Variants in CSPP1 observed in about 807,000 individuals in gnomAD.
CSPP1 encodes the protein centrosome and spindle pole associated protein 1.
In CSPP1, 126 loss-of-function variants were observed where a neutral mutation model predicts 164.4. That is an observed-to-expected ratio of 0.77 (90% confidence interval 0.66 to 0.89). CSPP1 has a LOEUF of 0.89. Among genes scored for constraint, CSPP1 ranks in the 40% least tolerant of loss-of-function variants. The probability of loss-of-function intolerance (pLI) is 0.00; values close to 1 mark genes in which losing one functional copy is unlikely to be tolerated. For missense variants in CSPP1, 1,395 were observed against 1,449.8 expected (o/e 0.96, Z 0.61); for synonymous variants, 472 against 476.7 (o/e 0.99, Z 0.13).
intron 29 of CSPP1, among the ~76,000 whole-genome samples, chr8:67,191,020 C>G (rs980313735): frequency 6.6e-6 from 1 of 152,294 alleles, no homozygotes; most frequent in African/African-American, 2.4e-5. Context: ...CCTTCTTCTC[C>G]TGCAGAATAT....
chr8:67,137,429 A>G (rs748250055), intron 16 of CSPP1, 27 bp from the exon 17 acceptor site: 2 of 1,385,226 alleles, frequency 1.4e-6, no homozygotes, highest in Non-Finnish European at 1.9e-6. Context: ...GTCAGCGTTT[A>G]TTTTAAATAT....
At chr8:67,138,298 G>A (rs1194343219) in intron 17 of CSPP1, among the ~76,000 whole-genome samples, 1 of 152,050 alleles carries the variant, frequency 6.6e-6, no homozygotes, top group Non-Finnish European at 1.5e-5. Flanking sequence ...ATATAAAATT[G>A]GTAAAGTGTT....
chr8:67,167,783 G>T (rs370999821), intron 24 of CSPP1, among the ~76,000 whole-genome samples: 1 of 143,322 alleles, frequency 7.0e-6, no homozygotes, highest in Non-Finnish European at 1.5e-5. Flanking sequence ...CGGGATGGCG[G>T]CTGGGAAGAG....
chr8:67,106,995 GTTTTGT>G (rs763972765), intron 9 of CSPP1, among the ~76,000 whole-genome samples: 3 of 150,162 alleles, frequency 2.0e-5, no homozygotes, highest in Non-Finnish European at 4.4e-5. Flanking sequence ...TATTCTTTTT[GTTTTGT>G]TTTTATTTAT....
At chr8:67,068,820 A>G (rs1346051397) in intron 1 of CSPP1, among the ~76,000 whole-genome samples, 1 of 152,252 alleles carries the variant, frequency 6.6e-6, no homozygotes, top group Admixed American at 6.5e-5. Context: ...GGATCAAGAC[A>G]AAAACATTCC....
chr8:67,144,826 T>A (rs376493572), intron 17 of CSPP1, among the ~76,000 whole-genome samples: 4 of 151,794 alleles, frequency 2.6e-5, no homozygotes, highest in African/African-American at 9.7e-5. Context: ...CCCAGCACAT[T>A]GGGAGGCTGA....
chr8:67,175,175 CTA>C, intron 25 of CSPP1, 119 bp from the exon 26 acceptor site: 6 of 729,326 alleles, frequency 8.2e-6, no homozygotes, highest in Non-Finnish European at 1.4e-5. Flanking sequence ...TGATGTTTCA[CTA>C]TTTCTATCAT....
chr8:67,076,481 G>T lies in CSPP1; in HGVS notation c.100-1G>T. The stretch of plus-strand genomic sequence containing the variant: ...TTTTGTAAACATTATGTCTCTTTCA[G>T]GGAAAGTTGTCAGCGAAGCTTTCTG... On this transcript the variant is annotated splice_acceptor_variant, in intron 2 of 30. Coordinates refer to ENST00000678616, the MANE Select transcript of CSPP1 (RefSeq NM_001382391.1). LOFTEE classifies it high-confidence loss of function. The T allele has an allele frequency of 6.4e-7, 1 of 1,559,424 alleles. No homozygotes were observed. Among genetic ancestry groups the T allele is most frequent in the South Asian group, 1.2e-5 (1 of 84,002 alleles).
At chr8:67,163,901 C>T (rs935865668) in intron 23 of CSPP1, 103 bp downstream of exon 23, 7 of 856,576 alleles carry the variant, frequency 8.2e-6, no homozygotes, top group Middle Eastern at 2.3e-4. Flanking sequence ...CAGTATAGAG[C>T]GGTTAGGTGC....
At chr8:67,083,618 C>G (rs1809791442) in intron 3 of CSPP1, 1 of 135,170 alleles carries the variant, frequency 7.4e-6, no homozygotes, top group Non-Finnish European at 1.6e-5. Flanking sequence ...TTATGTTTTT[C>G]TTTCCATTCT....
At chr8:67,188,770 C>T (rs1402795752) in intron 28 of CSPP1, among the ~76,000 whole-genome samples, 1 of 152,188 alleles carries the variant, frequency 6.6e-6, no homozygotes, top group Non-Finnish European at 1.5e-5. Flanking sequence ...CTGCTGCTCC[C>T]AATCAGGCTA....
intron 3 of CSPP1, among the ~76,000 whole-genome samples, chr8:67,078,735 C>T (rs987657899): frequency 1.3e-5 from 2 of 152,024 alleles, no homozygotes; most frequent in Admixed American, 6.5e-5. Context: ...CTTTGGGAGG[C>T]TGAGGCCAGC....
chr8:67,108,901 G>A (rs1221221637), intron 9 of CSPP1, among the ~76,000 whole-genome samples: 1 of 152,220 alleles, frequency 6.6e-6, no homozygotes, highest in East Asian at 1.9e-4. Context: ...TTCACCAATA[G>A]CTTGCAGCTT....
intron 30 of CSPP1, among the ~76,000 whole-genome samples, chr8:67,194,709 A>C (rs1214228572): frequency 6.6e-6 from 1 of 151,964 alleles, no homozygotes; most frequent in East Asian, 1.9e-4. Context: ...AAAGAATATG[A>C]TATCACAGGG....
rs188323303 is a variant in CSPP1, at chr8:67,076,549, C to A, written c.167C>A (p.Pro56Gln). 1 of 1,600,054 alleles carries A rather than the reference C, an allele frequency of 6.2e-7. No individual in the cohort carries two copies. The highest frequency in any genetic ancestry group is 1.1e-5 in the South Asian group (1 of 88,938). ...ILISMAKENIPPNSQQTRGSL... is the reference protein window; with the variant it reads ...ILISMAKENIQPNSQQTRGSL... Reference sequence around the variant, plus strand: ...ATCTCTATGGCTAAGGAAAACATACCACCAAATAGTCAACAGACCAGGGGT... The same window carrying A: ...ATCTCTATGGCTAAGGAAAACATACAACCAAATAGTCAACAGACCAGGGGT... Residue 56 changes from proline to glutamine, a missense_variant, in exon 3 of 31, where the codon CCA becomes CAA. Physicochemically the swap from Pro to Gln is moderately conservative, Grantham distance 76. Transcript: ENST00000678616.
At chr8:67,083,417 AG>A (rs1440878412) in intron 3 of CSPP1, among the ~76,000 whole-genome samples, 1 of 151,028 alleles carries the variant, frequency 6.6e-6, no homozygotes, top group African/African-American at 2.4e-5. Flanking sequence ...CTGTAATCCC[AG>A]CTACTTGAGA....
intron 13 of CSPP1, 138 bp downstream of exon 13, chr8:67,116,260 T>C: frequency 1.6e-6 from 1 of 608,824 alleles, no homozygotes; most frequent in Non-Finnish European, 2.8e-6. Context: ...TAAATTCTCT[T>C]GAAATTTGTT....
At chr8:67,187,375 A>G (rs996049551) in intron 28 of CSPP1, among the ~76,000 whole-genome samples, 3 of 152,210 alleles carry the variant, frequency 2.0e-5, no homozygotes, top group African/African-American at 7.2e-5. Context: ...CAAATAGACC[A>G]GTTGAATGGA....
Position 67,101,826 on chromosome 8 carries a change from T to C in CSPP1, c.924-1211T>C, listed in dbSNP as rs116545502. On this transcript the variant is annotated intron_variant, in intron 7 of 30. Transcript: ENST00000678616. ...ATCCAATAATGAAATTCACCTAAAA[T>C]ACTGAATACTGCTTTAACAACCATA... Among the ~76,000 whole-genome samples, 179 of 152,074 alleles carry C rather than the reference T, an allele frequency of 1.2e-3. 1 individual carries two copies. The highest frequency in any genetic ancestry group is 4.2e-3 in the African/African-American group (175 of 41,498).
Sources: gnomAD v4.1 joint callset for allele counts (sites outside exome capture counted in the v4.1 genomes callset) on GRCh38, gnomAD v4.1.1 for gene constraint, MANE v1.5 for transcripts, NCBI Gene and HGNC (gene_info 2026-07-23, HGNC 2026-07-21) for gene names.